Variants in EEF2KMT observed in about 807,000 individuals in gnomAD.
EEF2KMT encodes protein-lysine N-methyltransferase EEF2KMT.
Under a neutral mutation model 35.1 loss-of-function variants are expected in EEF2KMT, and 30 were observed. That is an observed-to-expected ratio of 0.85 (90% confidence interval 0.64 to 1.16). The LOEUF (loss-of-function observed/expected upper bound fraction) is 1.16. EEF2KMT is among the 50% of genes most tolerant of loss of function. EEF2KMT has a pLI of 0.00. For missense variants in EEF2KMT, 499 were observed against 438.2 expected (o/e 1.14, Z -1.24); for synonymous variants, 190 against 187.7 (o/e 1.01, Z -0.10).
intron 7 of EEF2KMT, among the ~76,000 whole-genome samples, chr16:5,088,172 G>T (rs1957252296): frequency 6.6e-6 from 1 of 152,068 alleles, no homozygotes; most frequent in African/African-American, 2.4e-5. Flanking sequence ...GAACACCTGG[G>T]GTCAAGTAGT....
chr16:5,086,000 G>A lies in EEF2KMT; in HGVS notation c.893-268C>T, dbSNP rs552179410. Among the ~76,000 whole-genome samples, 8 of 152,254 alleles carry A rather than the reference G, an allele frequency of 5.3e-5. No individual in the cohort carries two copies. In the East Asian group the frequency reaches 1.3e-3, roughly 26 times the overall value. On this transcript the variant is annotated intron_variant, in intron 7 of 7. Coordinates refer to ENST00000427587, the MANE Select transcript of EEF2KMT (RefSeq NM_201400.4). Reference sequence around the variant, plus strand: ...GTCTGCCCCAGCACTTGGCACAGCGGGACAGAAGCAGAGATCTGAATAGTC... The same window carrying A: ...GTCTGCCCCAGCACTTGGCACAGCGAGACAGAAGCAGAGATCTGAATAGTC...
chr16:5,093,844 G>A (rs1957397172), intron 2 of EEF2KMT, among the ~76,000 whole-genome samples: 1 of 152,220 alleles, frequency 6.6e-6, no homozygotes, highest in South Asian at 2.1e-4. Context: ...CTCCCTCCCA[G>A]GGGAGCCAGT....
chr16:5,090,071 G>A lies in EEF2KMT; in HGVS notation c.742+13C>T. ...GACACCACCTGCACAGGGTGCCCGG[G>A]GCTGGGCATTACCTGCTGCAATGAC... On this transcript the variant is annotated intron_variant, in intron 6 of 7. Transcript: ENST00000427587. This position sits in a 1 kb window ranked among gnomAD's most constrained non-coding sequence, Gnocchi z 4.1. 1.2e-6 allele frequency: 2 copies of A among 1,601,994 alleles called. No homozygotes were observed. Among genetic ancestry groups the A allele is most frequent in the Non-Finnish European group, 8.5e-7 (1 of 1,179,784 alleles).
Position 5,094,967 on chromosome 16 carries a change from A to C in EEF2KMT, c.159+485T>G, listed in dbSNP as rs111727797. Among the ~76,000 whole-genome samples, 1,080 of 152,326 alleles carry C rather than the reference A, an allele frequency of 7.1e-3. 10 individuals are homozygous for C. Among genetic ancestry groups the C allele is most frequent in the African/African-American group, 0.023 (947 of 41,574 alleles). ...GATCTGCACTTGGCCCTCAAGGCCAAGGTCAGGCTGTGGCTGGGCCGGGTG... is the reference window on the plus strand; with the variant it reads ...GATCTGCACTTGGCCCTCAAGGCCACGGTCAGGCTGTGGCTGGGCCGGGTG... On this transcript the variant is annotated intron_variant, in intron 2 of 7. Coordinates refer to ENST00000427587, the MANE Select transcript of EEF2KMT (RefSeq NM_201400.4).
chr16:5,090,259 A>G lies in EEF2KMT; in HGVS notation c.567T>C (p.Cys189=). ...CRPRAYIFSD[C]HSRVLEQLRG... Reference sequence around the variant, plus strand: ...GGAGCTGCTCAAGGACCCGGCTGTGACAGTCGCTGAAGATGTATGCCCGGG... The same window carrying G: ...GGAGCTGCTCAAGGACCCGGCTGTGGCAGTCGCTGAAGATGTATGCCCGGG... The change falls in exon 6 of 8, where the codon TGT becomes TGC. Residue 189 remains cysteine, a synonymous_variant. Coordinates refer to ENST00000427587, the MANE Select transcript of EEF2KMT (RefSeq NM_201400.4). This position sits in a 1 kb window ranked among gnomAD's most constrained non-coding sequence, Gnocchi z 4.1. 1 of 1,612,050 alleles carries G rather than the reference A, an allele frequency of 6.2e-7. No homozygotes were observed. Among genetic ancestry groups the G allele is most frequent in the Non-Finnish European group, 8.5e-7 (1 of 1,179,852 alleles).
Position 5,084,746 on chromosome 16 carries a change from G to C in EEF2KMT, c.*886C>G, listed in dbSNP as rs758181814. The C allele has an allele frequency of 3.1e-6, 5 of 1,596,418 alleles. No homozygotes were observed. The highest frequency in any genetic ancestry group is 4.2e-6 in the Non-Finnish European group (5 of 1,179,750). On this transcript the variant is annotated 3_prime_UTR_variant, in exon 8 of 8. Coordinates refer to ENST00000427587, the MANE Select transcript of EEF2KMT (RefSeq NM_201400.4). Reference sequence around the variant, plus strand: ...GGTAAGCTCTGCTCTTTATTTTTTTGCAGATGCTTTTCTCAAACTTTCCTG... The same window carrying C: ...GGTAAGCTCTGCTCTTTATTTTTTTCCAGATGCTTTTCTCAAACTTTCCTG...
chr16:5,086,083 C>G (rs1201248715), intron 7 of EEF2KMT, among the ~76,000 whole-genome samples: 5 of 152,200 alleles, frequency 3.3e-5, no homozygotes, highest in Non-Finnish European at 5.9e-5. Flanking sequence ...TGCCTGTAAT[C>G]CCAACACTTT....
At chr16:5,093,684 T>C in intron 2 of EEF2KMT, 120 bp from the exon 3 acceptor site, 2 of 1,536,986 alleles carry the variant, frequency 1.3e-6, no homozygotes, top group Non-Finnish European at 1.8e-6. Flanking sequence ...AAGATGTAGA[T>C]GGACACAGCG....
chr16:5,091,966 C>G, intron 3 of EEF2KMT, 71 bp from the exon 4 acceptor site: 1 of 1,598,142 alleles, frequency 6.3e-7, no homozygotes, highest in Non-Finnish European at 8.5e-7. Context: ...TGATTTTCAC[C>G]AAGTTTGGAG....
At position 5,097,488 on chromosome 16, in the gene EEF2KMT, G is replaced by T. The variant is rs1279376786; in HGVS notation, c.96+156C>A. 5 of 1,426,782 alleles carry T rather than the reference G, an allele frequency of 3.5e-6. No homozygotes were observed. In the East Asian group the frequency reaches 7.6e-5, roughly 22 times the overall value. The allele number at this position is 1,426,782 out of a possible 1,614,324, so 88.4% of individuals were successfully genotyped here. A position where few individuals can be genotyped will look rare whatever the true frequency, so the allele number is the denominator to read the frequency against. On this transcript the variant is annotated intron_variant, in intron 1 of 7. Transcript: ENST00000427587. ...GAGGGGTGCGAGCGACTCTGGCCAG[G>T]CCCCAGGGACGGGGACCGGGTCGCG...
At chr16:5,088,893 A>C (rs1053476216) in intron 7 of EEF2KMT, among the ~76,000 whole-genome samples, 29 of 151,114 alleles carry the variant, frequency 1.9e-4, no homozygotes, top group Non-Finnish European at 4.0e-4. Flanking sequence ...CTGGGCTCAG[A>C]CCCTCCCTCC....
intron 1 of EEF2KMT, chr16:5,097,385 G>C: frequency 6.7e-7 from 1 of 1,484,466 alleles, no homozygotes; most frequent in South Asian, 1.2e-5. Flanking sequence ...ATCGTGAACT[G>C]TACCCCACAC....
At chr16:5,088,511 G>A (rs976866983) in intron 7 of EEF2KMT, among the ~76,000 whole-genome samples, 1 of 152,152 alleles carries the variant, frequency 6.6e-6, no homozygotes, top group African/African-American at 2.4e-5. Context: ...GGTGGCTGGG[G>A]TGCAGTCTGC....
chr16:5,085,010 C>T lies in EEF2KMT; in HGVS notation c.*622G>A, dbSNP rs1397867110. On this transcript the variant is annotated 3_prime_UTR_variant, in exon 8 of 8. Coordinates refer to ENST00000427587, the MANE Select transcript of EEF2KMT (RefSeq NM_201400.4). Reference sequence around the variant, plus strand: ...AGAAGCTGAAATGACAGCAGTGGTACTGCCTGGTAAAAGAATTGGTTCTGT... The same window carrying T: ...AGAAGCTGAAATGACAGCAGTGGTATTGCCTGGTAAAAGAATTGGTTCTGT... 6.6e-6 allele frequency: 10 copies of T among 1,516,286 alleles called. No homozygotes were observed. In the Admixed American group the frequency reaches 1.2e-4, roughly 18 times the overall value. 93.9% of individuals were successfully genotyped at this position (1,516,286 alleles called of 1,614,324 possible).
In EEF2KMT at chr16:5,089,096, T is replaced by G. The variant is rs2142757526; in HGVS notation, c.892+11A>C. ...GGGACCATGCAGGCCCGGGTGGGCGTGGAGGCTCACCTAGCTCGGTGGTGA... is the reference window on the plus strand; with the variant it reads ...GGGACCATGCAGGCCCGGGTGGGCGGGGAGGCTCACCTAGCTCGGTGGTGA... On this transcript the variant is annotated intron_variant, in intron 7 of 7. Coordinates refer to ENST00000427587, the MANE Select transcript of EEF2KMT (RefSeq NM_201400.4). 6.2e-7 allele frequency: 1 copy of G among 1,612,322 alleles called. No individual in the cohort carries two copies. The highest frequency in any genetic ancestry group is 1.1e-5 in the South Asian group (1 of 91,024).
chr16:5,090,272 ATG>A lies in EEF2KMT; in HGVS notation c.552_553del (p.Ile185LeufsTer10). On this transcript the variant is annotated frameshift_variant, in exon 6 of 8. Coordinates refer to ENST00000427587, the MANE Select transcript of EEF2KMT (RefSeq NM_201400.4). LOFTEE classifies it high-confidence loss of function. The surrounding 1 kb of genome is among the most constrained non-coding windows in gnomAD (Gnocchi z 4.1). ...GACCCGGCTGTGACAGTCGCTGAAG[ATG>A]TATGCCCGGGGGCGGCACATCTTGC... is the stretch of plus-strand genomic sequence containing the variant. The A allele has an allele frequency of 3.1e-6, 5 of 1,612,028 alleles. No homozygotes were observed. Among genetic ancestry groups the A allele is most frequent in the Admixed American group, 1.7e-5 (1 of 60,022 alleles).
Position 5,097,480 on chromosome 16 carries a change from C to A in EEF2KMT, c.96+164G>T, listed in dbSNP as rs541656508. 7.0e-4 allele frequency: 990 copies of A among 1,423,194 alleles called. 2 individuals carry two copies. The highest frequency in any genetic ancestry group is 4.3e-3 in the South Asian group (300 of 70,236). 88.2% of individuals were successfully genotyped at this position (1,423,194 alleles called of 1,614,324 possible). A position where few individuals can be genotyped will look rare whatever the true frequency, so the allele number is the denominator to read the frequency against. On this transcript the variant is annotated intron_variant, in intron 1 of 7. Transcript: ENST00000427587. The stretch of plus-strand genomic sequence containing the variant: ...CGGGGCAGGAGGGGTGCGAGCGACT[C>A]TGGCCAGGCCCCAGGGACGGGGACC...
intron 7 of EEF2KMT, among the ~76,000 whole-genome samples, chr16:5,088,434 A>G (rs59648697): frequency 6.6e-6 from 1 of 151,872 alleles, no homozygotes; most frequent in Non-Finnish European, 1.5e-5. Context: ...GGCTGTGCTC[A>G]GGGGGAGCTG....
chr16:5,088,087 G>T (rs1322768841), intron 7 of EEF2KMT, among the ~76,000 whole-genome samples: 1 of 151,926 alleles, frequency 6.6e-6, no homozygotes, highest in African/African-American at 2.4e-5. Flanking sequence ...GACTACAGGC[G>T]TGTGCAACCA....
Sources: gnomAD v4.1 joint callset for allele counts (sites outside exome capture counted in the v4.1 genomes callset) on GRCh38, gnomAD v4.1.1 for gene constraint, Gnocchi (gnomAD v3.1) non-coding constraint, MANE v1.5 for transcripts, NCBI Gene and HGNC (gene_info 2026-07-23, HGNC 2026-07-21) for gene names.